Variants in ATL2 observed in about 807,000 individuals in gnomAD.
ATL2 encodes atlastin GTPase 2, also known as atlastin-2.
ATL2 carries 31 observed loss-of-function variants against 73.9 expected under a neutral mutation model. That is an observed-to-expected ratio of 0.42 (90% CI 0.32 to 0.57). The LOEUF (loss-of-function observed/expected upper bound fraction) is 0.57. Ranked by LOEUF, ATL2 falls within the 20% of genes least tolerant of loss-of-function variation. The pLI, the probability that ATL2 is intolerant of heterozygous loss-of-function variation, is 0.14. For synonymous variants in ATL2, 291 were observed against 237.5 expected, an observed-to-expected ratio of 1.23 and a Z score of -2.07; for missense variants, 738 against 702.6, an observed-to-expected ratio of 1.05 and a Z score of -0.57.
rs1669510798 is a variant in ATL2, at chr2:38,338,548, AAAT to A, written c.363+4717_363+4719del. Among the ~76,000 whole-genome samples, 2 of 151,940 alleles carry A rather than the reference AAAT, an allele frequency of 1.3e-5. 1 individual carries two copies. Among genetic ancestry groups the A allele is most frequent in the South Asian group, 4.2e-4 (2 of 4,816 alleles). ...GATATAAAGGATGGAATGAATAAATAAATAAATAGGGAGAAGATACACCTCTTC... is the reference window on the plus strand; with the variant it reads ...GATATAAAGGATGGAATGAATAAATAAAATAGGGAGAAGATACACCTCTTC... On this transcript the variant is annotated intron_variant, in intron 2 of 12. Coordinates refer to ENST00000378954, the MANE Select transcript of ATL2 (RefSeq NM_001135673.4).
intron 1 of ATL2, among the ~76,000 whole-genome samples, chr2:38,367,935 A>G (rs1233627593): frequency 6.8e-5 from 10 of 147,412 alleles, no homozygotes; most frequent in Non-Finnish European, 1.5e-4. Flanking sequence ...GCCCGGCCTA[A>G]AACAACTTTT....
At chr2:38,327,971 T>C (rs534999908) in intron 2 of ATL2, among the ~76,000 whole-genome samples, 1 of 152,192 alleles carries the variant, frequency 6.6e-6, no homozygotes, top group South Asian at 2.1e-4. Context: ...TTTTAAAAAA[T>C]AGAGCCAACT....
chr2:38,348,786 T>G (rs1670171801), intron 1 of ATL2, among the ~76,000 whole-genome samples: 1 of 151,962 alleles, frequency 6.6e-6, no homozygotes, highest in Non-Finnish European at 1.5e-5. Context: ...GACAAAGGGC[T>G]AATATCCAGA....
At chr2:38,316,860 G>C (rs988531204) in intron 4 of ATL2, among the ~76,000 whole-genome samples, 3 of 152,040 alleles carry the variant, frequency 2.0e-5, no homozygotes, top group African/African-American at 7.2e-5. Context: ...ACTCCCTCTA[G>C]AGCCAGCTAA....
At chr2:38,346,306 C>T (rs992352047) in intron 1 of ATL2, among the ~76,000 whole-genome samples, 1 of 152,170 alleles carries the variant, frequency 6.6e-6, no homozygotes, top group Non-Finnish European at 1.5e-5. Flanking sequence ...CTTACCCAAT[C>T]CAATCTAATC....
chr2:38,302,183 G>C lies in ATL2; in HGVS notation c.1072-1855C>G, dbSNP rs1422698586. Among the ~76,000 whole-genome samples, 32 of 152,116 alleles carry C rather than the reference G, an allele frequency of 2.1e-4. 1 individual carries two copies. Among genetic ancestry groups the C allele is most frequent in the Admixed American group, 2.1e-3 (32 of 15,272 alleles). On this transcript the variant is annotated intron_variant, in intron 9 of 12. Coordinates refer to ENST00000378954, the MANE Select transcript of ATL2 (RefSeq NM_001135673.4). ...CTCTGGGCTCTGAATAAGCAGTAGT[G>C]GTAGCCAGGCAGTACTCACTATGGG...
intron 6 of ATL2, 38 bp from the exon 7 acceptor site, chr2:38,313,281 TAAAG>T (rs1558398169): frequency 6.8e-7 from 1 of 1,477,036 alleles, no homozygotes; most frequent in South Asian, 1.2e-5. Flanking sequence ...TATTTTACAA[TAAAG>T]AAAATTTACG....
At chr2:38,368,224 G>A (rs1253456595) in intron 1 of ATL2, among the ~76,000 whole-genome samples, 2 of 150,072 alleles carry the variant, frequency 1.3e-5, no homozygotes, top group South Asian at 2.1e-4. Flanking sequence ...GTAAGCCACC[G>A]CACCTGGACT....
chr2:38,315,471 T>C, intron 4 of ATL2, 137 bp from the exon 5 acceptor site: 2 of 850,290 alleles, frequency 2.4e-6, no homozygotes, highest in South Asian at 3.8e-5. Flanking sequence ...TCTTGACAAC[T>C]GACATGTGAA....
intron 1 of ATL2, chr2:38,376,051 A>G (rs1279852075): frequency 2.9e-6 from 4 of 1,377,512 alleles, no homozygotes; most frequent in Non-Finnish European, 3.8e-6. Context: ...CCGTAAAAAA[A>G]GAAATCTTAA....
intron 1 of ATL2, among the ~76,000 whole-genome samples, chr2:38,366,742 C>A (rs1041487321): frequency 6.6e-6 from 1 of 152,162 alleles, no homozygotes. Context: ...AAGCATCTGT[C>A]TACATTATTT....
Position 38,310,629 on chromosome 2 carries a change from C to CT in ATL2, c.805-183dup, listed in dbSNP as rs538258408. Among the ~76,000 whole-genome samples the CT allele has an allele frequency of 7.5e-3, 953 of 127,292 alleles. 11 individuals carry two copies. The highest frequency in any genetic ancestry group is 0.021 in the Middle Eastern group (5 of 240). 83.5% of individuals were successfully genotyped at this position (127,292 alleles called of 152,430 possible). On this transcript the variant is annotated intron_variant, in intron 7 of 12. Coordinates refer to ENST00000378954, the MANE Select transcript of ATL2 (RefSeq NM_001135673.4). The stretch of plus-strand genomic sequence containing the variant: ...TTCTGACCACTTTGTTAAGACCCCA[C>CT]TTTTTTTTTTTTTTTTTTTTTTTTA...
intron 1 of ATL2, among the ~76,000 whole-genome samples, chr2:38,369,170 C>A (rs1385708721): frequency 6.6e-6 from 1 of 152,078 alleles, no homozygotes; most frequent in African/African-American, 2.4e-5. Flanking sequence ...ACATGTCAGG[C>A]CAGGTGCAGT....
At chr2:38,352,133 C>CAAAAAAA (rs778821586) in intron 1 of ATL2, among the ~76,000 whole-genome samples, 19 of 31,992 alleles carry the variant, frequency 5.9e-4, no homozygotes, top group East Asian at 1.2e-3. Flanking sequence ...AAACAACAAC[C>CAAAAAAA]AAAAAAAAAA....
chr2:38,335,940 T>C lies in ATL2; in HGVS notation c.363+7328A>G, dbSNP rs765387152. On this transcript the variant is annotated intron_variant, in intron 2 of 12. Transcript: ENST00000378954. Reference sequence around the variant, plus strand: ...TACTTGGCAGTCTGAAACAGGAGAATGGTGTGAACGTGGGAGGCGGAGCTT... The same window carrying C: ...TACTTGGCAGTCTGAAACAGGAGAACGGTGTGAACGTGGGAGGCGGAGCTT... Among the ~76,000 whole-genome samples, 4 of 152,008 alleles carry C rather than the reference T, an allele frequency of 2.6e-5. No homozygotes were observed. The South Asian group carries it at 8.3e-4, about 32-fold the overall frequency.
chr2:38,303,292 G>A (rs1452599337), intron 9 of ATL2, among the ~76,000 whole-genome samples: 1 of 151,990 alleles, frequency 6.6e-6, no homozygotes, highest in African/African-American at 2.4e-5. Context: ...TGCAACCTCT[G>A]CATCCCAGGC....
intron 1 of ATL2, among the ~76,000 whole-genome samples, chr2:38,357,095 CG>C (rs1670710996): frequency 3.3e-5 from 5 of 151,940 alleles, no homozygotes; most frequent in African/African-American, 1.2e-4. Flanking sequence ...TTTGGGAGGC[CG>C]AGGCAGGTGG....
At chr2:38,325,699 T>TACACACACACACACAC (rs1221635411) in intron 2 of ATL2, among the ~76,000 whole-genome samples, 7 of 11,294 alleles carry the variant, frequency 6.2e-4, no homozygotes, top group Non-Finnish European at 7.4e-4. Context: ...CACACACCAG[T>TACACACACACACACAC]ACACACACAC....
chr2:38,340,495 C>A (rs190147231), intron 2 of ATL2, among the ~76,000 whole-genome samples: 14 of 152,194 alleles, frequency 9.2e-5, no homozygotes, highest in Non-Finnish European at 1.8e-4. Flanking sequence ...CCATACCCAC[C>A]AATTCTGTCT....
Sources: gnomAD v4.1 joint callset for allele counts (sites outside exome capture counted in the v4.1 genomes callset) on GRCh38, gnomAD v4.1.1 for gene constraint, MANE v1.5 for transcripts, NCBI Gene and HGNC (gene_info 2026-07-23, HGNC 2026-07-21) for gene names.